Variants in JADE2 observed in about 807,000 individuals in gnomAD.
JADE2 encodes the protein E3 ubiquitin-protein ligase Jade-2.
Under a neutral mutation model 85.7 loss-of-function variants are expected in JADE2, and 13 were observed. The ratio of observed to expected loss-of-function variants is 0.15; its 90% CI spans 0.10 to 0.24. JADE2 has a LOEUF of 0.24. Ranked by LOEUF, JADE2 falls within the 10% of genes least tolerant of loss-of-function variation. The pLI is 1.00. For synonymous variants in JADE2, 440 were observed against 456.1 expected, an observed-to-expected ratio of 0.96 and a Z score of 0.45; for missense variants, 846 against 1,115.9, an observed-to-expected ratio of 0.76 and a Z score of 3.45.
intron 9 of JADE2, among the ~76,000 whole-genome samples, chr5:134,570,483 G>T (rs368269946): frequency 6.6e-6 from 1 of 151,952 alleles, no homozygotes; most frequent in African/African-American, 2.4e-5. Flanking sequence ...CCCTCTAGTC[G>T]TGGGTTCCTC....
chr5:134,558,293 A>T (rs1460961514), intron 4 of JADE2, among the ~76,000 whole-genome samples: 3 of 134,146 alleles, frequency 2.2e-5, no homozygotes, highest in Admixed American at 7.9e-5. Flanking sequence ...CCTTTGTCAG[A>T]TGAGTAGGTT....
chr5:134,527,295 G>C (rs1760911257), intron 1 of JADE2, among the ~76,000 whole-genome samples: 1 of 152,026 alleles, frequency 6.6e-6, no homozygotes, highest in Non-Finnish European at 1.5e-5. Flanking sequence ...CAGACTTGTG[G>C]CTCCCCATGG....
At chr5:134,544,185 TG>T in intron 3 of JADE2, among the ~76,000 whole-genome samples, 1 of 152,356 alleles carries the variant, frequency 6.6e-6, no homozygotes, top group South Asian at 2.1e-4. Flanking sequence ...GGCAGAGGCC[TG>T]GGTCTCTGGA....
At chr5:134,529,320 C>A (rs528693569) in intron 1 of JADE2, among the ~76,000 whole-genome samples, 4 of 152,288 alleles carry the variant, frequency 2.6e-5, no homozygotes, top group African/African-American at 7.2e-5. Context: ...AATTGTAGGT[C>A]TGCTCAAAGC....
intron 4 of JADE2, among the ~76,000 whole-genome samples, chr5:134,552,437 G>A (rs1762648202): frequency 6.6e-6 from 1 of 152,218 alleles, no homozygotes; most frequent in Non-Finnish European, 1.5e-5. Context: ...GAATGCTTGC[G>A]TTCCTGTTGA....
At chr5:134,572,667 G>A (rs1764107711) in intron 9 of JADE2, among the ~76,000 whole-genome samples, 1 of 152,222 alleles carries the variant, frequency 6.6e-6, no homozygotes, top group East Asian at 1.9e-4. Flanking sequence ...TGAAGACCAA[G>A]GAAGTGTCTC....
chr5:134,579,673 T>G lies in JADE2; in HGVS notation c.*356T>G. On this transcript the variant is annotated 3_prime_UTR_variant, in exon 12 of 12. Transcript: ENST00000681547. The surrounding 1 kb of genome is among the most constrained non-coding windows in gnomAD (Gnocchi z 4.6). Reference sequence around the variant, plus strand: ...CCACTGGGTGACACAGACTGTCGTTTGGGCATTATTTCATGGCAGATGGGC... The same window carrying G: ...CCACTGGGTGACACAGACTGTCGTTGGGGCATTATTTCATGGCAGATGGGC... 4.0e-6 allele frequency: 1 copy of G among 247,540 alleles called. No individual in the cohort carries two copies. Among genetic ancestry groups the G allele is most frequent in the Non-Finnish European group, 7.9e-6 (1 of 127,224 alleles). The allele number at this position is 247,540 out of a possible 1,614,324, so 15.3% of individuals were successfully genotyped here.
At chr5:134,537,944 C>A in intron 2 of JADE2, 45 bp from the exon 3 acceptor site, 2 of 1,426,636 alleles carry the variant, frequency 1.4e-6, no homozygotes, top group Non-Finnish European at 2.0e-6. Flanking sequence ...GTGGGTGGTG[C>A]TCCTGGCCCT....
intron 1 of JADE2, among the ~76,000 whole-genome samples, chr5:134,531,301 G>A (rs34696521): frequency 0.18 from 27,659 of 152,170 alleles, 2,736 homozygotes; most frequent in Middle Eastern, 0.23. Context: ...TGGTCAGTAT[G>A]AAGCTGTCCA....
intron 8 of JADE2, among the ~76,000 whole-genome samples, chr5:134,564,921 C>T (rs1763545230): frequency 6.6e-6 from 1 of 152,214 alleles, no homozygotes; most frequent in Admixed American, 6.5e-5. Flanking sequence ...TCACTTCTGA[C>T]ATTGAATTTG....
At chr5:134,524,350 G>C (rs1037602788), upstream of JADE2, 1 of 152,532 alleles carries the variant, frequency 6.6e-6, no homozygotes, top group Non-Finnish European at 1.5e-5. Flanking sequence ...CTAGCAGCCC[G>C]ACAGCCCGCC....
intron 1 of JADE2, among the ~76,000 whole-genome samples, chr5:134,528,825 G>A (rs1761047667): frequency 6.6e-6 from 1 of 152,212 alleles, no homozygotes; most frequent in South Asian, 2.1e-4. Context: ...GGATAGAGTT[G>A]TTTGGGCTCA....
rs1763413431 is a variant in JADE2, at chr5:134,562,945, G to A, written c.852+578G>A. Among the ~76,000 whole-genome samples the A allele has an allele frequency of 6.6e-6, 1 of 152,218 alleles. No individual in the cohort carries two copies. Among genetic ancestry groups the A allele is most frequent in the South Asian group, 2.1e-4 (1 of 4,830 alleles). On this transcript the variant is annotated intron_variant, in intron 7 of 11. Coordinates refer to ENST00000681547, the MANE Select transcript of JADE2 (RefSeq NM_001388185.1). The surrounding 1 kb of genome is among the most constrained non-coding windows in gnomAD (Gnocchi z 4.6). ...AGGAGATAGGGATGAGGTCTGGACA[G>A]AAGTCAGGCAGCTGACTAGAGGGGA... is the stretch of plus-strand genomic sequence containing the variant.
intron 9 of JADE2, among the ~76,000 whole-genome samples, chr5:134,571,517 T>G (rs372167646): frequency 7.5e-4 from 114 of 152,164 alleles, no homozygotes; most frequent in African/African-American, 2.4e-3. Flanking sequence ...GCCAACATGG[T>G]GAAACCCCAT....
intron 1 of JADE2, among the ~76,000 whole-genome samples, chr5:134,530,360 AT>A (rs748711389): frequency 6.6e-6 from 1 of 152,244 alleles, no homozygotes; most frequent in Non-Finnish European, 1.5e-5. Flanking sequence ...GGAATGGTAA[AT>A]TGCCTGCTTG....
chr5:134,577,976 G>A (rs575304520), intron 11 of JADE2, among the ~76,000 whole-genome samples: 2 of 152,314 alleles, frequency 1.3e-5, no homozygotes, highest in South Asian at 2.1e-4. Context: ...CTGGCGGCCT[G>A]AGGGCATTTT....
chr5:134,568,108 T>C (rs1763760321), intron 9 of JADE2, among the ~76,000 whole-genome samples: 1 of 152,204 alleles, frequency 6.6e-6, no homozygotes, highest in African/African-American at 2.4e-5. Context: ...CTCTCTGTTC[T>C]GTGCTGGTCA....
At chr5:134,571,038 G>A (rs570717469) in intron 9 of JADE2, among the ~76,000 whole-genome samples, 108 of 152,376 alleles carry the variant, frequency 7.1e-4, no homozygotes, top group Non-Finnish European at 1.4e-3. Flanking sequence ...TGAGGTGTCA[G>A]CAGGATTAGT....
intron 1 of JADE2, 112 bp downstream of exon 1, chr5:134,526,123 G>GCTCC: frequency 1.0e-6 from 1 of 985,244 alleles, no homozygotes; most frequent in South Asian, 4.7e-5. Context: ...TTGCTCGCTC[G>GCTCC]CTCCCTCTCT....
Sources: gnomAD v4.1 joint callset for allele counts (sites outside exome capture counted in the v4.1 genomes callset) on GRCh38, gnomAD v4.1.1 for gene constraint, Gnocchi (gnomAD v3.1) non-coding constraint, MANE v1.5 for transcripts, NCBI Gene and HGNC (gene_info 2026-07-23, HGNC 2026-07-21) for gene names.